LRP1B: variants seen among roughly 807,000 people sequenced by gnomAD.
The protein encoded by LRP1B is low-density lipoprotein receptor-related protein 1B.
LRP1B carries 217 observed loss-of-function variants against 556.6 expected under a neutral mutation model. That is an observed-to-expected ratio of 0.39 (90% CI 0.35 to 0.44). LRP1B has a LOEUF of 0.44. Ranked by LOEUF, LRP1B falls within the 20% of genes least tolerant of loss-of-function variation. The pLI is 1.00. For missense variants in LRP1B, 5,053 were observed against 5,620.8 expected (o/e 0.90, Z 3.23); for synonymous variants, 2,047 against 1,865.8 (o/e 1.10, Z -2.50).
intron 31 of LRP1B, among the ~76,000 whole-genome samples, chr2:140,814,944 AC>A (rs1691059138): frequency 6.6e-6 from 1 of 152,132 alleles, no homozygotes; most frequent in Non-Finnish European, 1.5e-5. Context: ...GCACACATCT[AC>A]TTAACTACTG....
intron 2 of LRP1B, among the ~76,000 whole-genome samples, chr2:141,691,924 G>A (rs1005878806): frequency 1.1e-4 from 16 of 151,832 alleles, no homozygotes; most frequent in African/African-American, 3.9e-4. Context: ...TTTTGCATAA[G>A]TCTGTCACTT....
chr2:141,268,826 C>G (rs1487565604), intron 3 of LRP1B, among the ~76,000 whole-genome samples: 1 of 152,108 alleles, frequency 6.6e-6, no homozygotes, highest in East Asian at 1.9e-4. Context: ...TATCAAATTA[C>G]AAATTGGAGA....
At chr2:140,702,393 G>T (rs1686680083) in intron 38 of LRP1B, 34 bp downstream of exon 38, 1 of 1,611,120 alleles carries the variant, frequency 6.2e-7, no homozygotes, top group Non-Finnish European at 8.5e-7. Flanking sequence ...TGTCAGTTAA[G>T]GCACTTTAAA....
chr2:141,857,416 A>T (rs1338991958), intron 1 of LRP1B, among the ~76,000 whole-genome samples: 1 of 151,798 alleles, frequency 6.6e-6, no homozygotes, highest in Non-Finnish European at 1.5e-5. Flanking sequence ...TCATGGCTCA[A>T]TGCAGCCTCA....
At chr2:140,270,141 C>A in intron 86 of LRP1B, 101 bp downstream of exon 86, 1 of 794,732 alleles carries the variant, frequency 1.3e-6, no homozygotes, top group South Asian at 1.5e-5. Context: ...CCATGAAACA[C>A]TCATTTAAAA....
chr2:141,729,196 T>G (rs188864267), intron 2 of LRP1B, among the ~76,000 whole-genome samples: 1 of 152,150 alleles, frequency 6.6e-6, no homozygotes, highest in Non-Finnish European at 1.5e-5. Context: ...GTTTTTCAAG[T>G]GCTTACCTAC....
intron 7 of LRP1B, among the ~76,000 whole-genome samples, chr2:141,126,623 A>T (rs902395183): frequency 5.3e-5 from 8 of 152,084 alleles, no homozygotes; most frequent in Non-Finnish European, 1.2e-4. Flanking sequence ...ATCTGAAGAC[A>T]CTTTTTCAAC....
intron 23 of LRP1B, among the ~76,000 whole-genome samples, chr2:140,894,505 A>G (rs963153873): frequency 2.0e-5 from 3 of 147,138 alleles, no homozygotes; most frequent in African/African-American, 7.4e-5. Flanking sequence ...AATCAAAGAT[A>G]AGTTGAGGTT....
At chr2:140,890,180 TG>T (rs1693757073) in intron 23 of LRP1B, among the ~76,000 whole-genome samples, 3 of 111,790 alleles carry the variant, frequency 2.7e-5, no homozygotes, top group Non-Finnish European at 6.7e-5. Flanking sequence ...TGTTAAATGT[TG>T]CTTAAAAACA....
intron 33 of LRP1B, among the ~76,000 whole-genome samples, chr2:140,772,933 C>G (rs1028098303): frequency 1.3e-5 from 2 of 152,046 alleles, no homozygotes; most frequent in African/African-American, 2.4e-5. Context: ...AACCCCATCT[C>G]TACTGAAAAA....
At chr2:141,842,123 G>A (rs1697497894) in intron 1 of LRP1B, among the ~76,000 whole-genome samples, 1 of 152,086 alleles carries the variant, frequency 6.6e-6, no homozygotes, top group African/African-American at 2.4e-5. Flanking sequence ...TTTGGTGGAA[G>A]AGAATCCTTG....
chr2:141,919,759 G>A (rs143638461), intron 1 of LRP1B, among the ~76,000 whole-genome samples: 19 of 152,028 alleles, frequency 1.2e-4, no homozygotes, highest in African/African-American at 2.9e-4. Flanking sequence ...AGAACAATAC[G>A]TAACATTTGA....
At chr2:141,788,017 G>A (rs1695481308) in intron 2 of LRP1B, among the ~76,000 whole-genome samples, 1 of 151,912 alleles carries the variant, frequency 6.6e-6, no homozygotes, top group African/African-American at 2.4e-5. Context: ...TGCTATTGAA[G>A]ACTTATTATT....
chr2:141,123,614 A>C (rs1011927360), intron 7 of LRP1B, among the ~76,000 whole-genome samples: 7 of 152,082 alleles, frequency 4.6e-5, no homozygotes, highest in Non-Finnish European at 7.4e-5. Flanking sequence ...TTTGTTTGGG[A>C]GCTATTGAAT....
chr2:141,548,166 T>G (rs1339493372), intron 2 of LRP1B, among the ~76,000 whole-genome samples: 1 of 152,214 alleles, frequency 6.6e-6, no homozygotes, highest in African/African-American at 2.4e-5. Flanking sequence ...GTCAATTTCC[T>G]CATCTATACA....
intron 2 of LRP1B, among the ~76,000 whole-genome samples, chr2:141,725,753 G>A (rs2105507827): frequency 6.6e-6 from 1 of 151,718 alleles, no homozygotes; most frequent in South Asian, 2.1e-4. Context: ...GGGCTAAGAG[G>A]ATGTAGCTGA....
At chr2:140,343,539 T>C (rs186193331) in intron 77 of LRP1B, among the ~76,000 whole-genome samples, 1 of 151,798 alleles carries the variant, frequency 6.6e-6, no homozygotes, top group East Asian at 1.9e-4. Context: ...ATATACATAC[T>C]ATGAGTGCAA....
chr2:140,333,473 A>G (rs1680916921), intron 79 of LRP1B, among the ~76,000 whole-genome samples: 1 of 152,102 alleles, frequency 6.6e-6, no homozygotes, highest in South Asian at 2.1e-4. Context: ...AAAGCATGGG[A>G]TGAAAACAGA....
intron 11 of LRP1B, among the ~76,000 whole-genome samples, chr2:141,029,438 T>C (rs140578890): frequency 1.3e-5 from 2 of 152,290 alleles, no homozygotes; most frequent in South Asian, 2.1e-4. Context: ...TCTCTTTTGA[T>C]ACTGAACAAT....
Sources: allele counts gnomAD v4.1 joint callset (sites outside exome capture counted in the v4.1 genomes callset), GRCh38; gene constraint gnomAD v4.1.1; transcripts MANE v1.5; gene names NCBI Gene and HGNC (gene_info 2026-07-23, HGNC 2026-07-21).